Variants in CACHD1 observed in about 807,000 individuals in gnomAD.
CACHD1 encodes the protein VWFA and cache domain-containing protein 1.
CACHD1 carries 71 observed loss-of-function variants against 138.7 expected under a neutral mutation model. The ratio of observed to expected loss-of-function variants is 0.51; its 90% CI spans 0.42 to 0.62. The LOEUF is 0.62. Ranked by LOEUF, CACHD1 falls within the 20% of genes least tolerant of loss-of-function variation. The pLI, the probability that CACHD1 is intolerant of heterozygous loss-of-function variation, is 0.00. For missense variants in CACHD1, 1,389 were observed against 1,625.3 expected (o/e 0.85, Z 2.50); for synonymous variants, 578 against 591.5 (o/e 0.98, Z 0.33).
chr1:64,582,725 C>G (rs1298529609), intron 3 of CACHD1, among the ~76,000 whole-genome samples: 1 of 152,016 alleles, frequency 6.6e-6, no homozygotes, highest in African/African-American at 2.4e-5. Flanking sequence ...TTTAAAACTC[C>G]TATGGGAAAT....
chr1:64,470,734 G>C lies in CACHD1; in HGVS notation c.-11G>C. 1.7e-6 allele frequency: 1 copy of C among 591,832 alleles called. No individual in the cohort carries two copies. The highest frequency in any genetic ancestry group is 2.8e-6 in the Non-Finnish European group (1 of 360,020). 36.7% of individuals were successfully genotyped at this position (591,832 alleles called of 1,614,324 possible). A position where few individuals can be genotyped will look rare whatever the true frequency, so the allele number is the denominator to read the frequency against. On this transcript the variant is annotated 5_prime_UTR_variant, in exon 1 of 27. Coordinates refer to ENST00000651257, the MANE Select transcript of CACHD1 (RefSeq NM_020925.4). This position sits in a 1 kb window ranked among gnomAD's most constrained non-coding sequence, Gnocchi z 5.2. Reference sequence around the variant, plus strand: ...CCCGGAGCCCGTCGGCGGGGAGTGGGGGGAGGCAGCATGGCCCGCCAGCCG... The same window carrying C: ...CCCGGAGCCCGTCGGCGGGGAGTGGCGGGAGGCAGCATGGCCCGCCAGCCG...
At chr1:64,545,401 T>A (rs184266512) in intron 1 of CACHD1, among the ~76,000 whole-genome samples, 235 of 152,320 alleles carry the variant, frequency 1.5e-3, no homozygotes, top group African/African-American at 5.4e-3. Context: ...ACCACTATCC[T>A]GACTTTTAAC....
intron 4 of CACHD1, 72 bp downstream of exon 4, chr1:64,602,984 CA>C: frequency 2.1e-6 from 2 of 958,436 alleles, no homozygotes; most frequent in Non-Finnish European, 3.2e-6. Flanking sequence ...CATATTGCTT[CA>C]ATTTTTTTTT....
At chr1:64,486,598 A>G (rs1276227221) in intron 1 of CACHD1, among the ~76,000 whole-genome samples, 1 of 152,222 alleles carries the variant, frequency 6.6e-6, no homozygotes, top group Non-Finnish European at 1.5e-5. Flanking sequence ...GAAATCTTCA[A>G]GAGAGCTGTG....
intron 1 of CACHD1, among the ~76,000 whole-genome samples, chr1:64,523,090 T>TGAAA (rs1304501992): frequency 6.6e-6 from 1 of 152,234 alleles, no homozygotes. Flanking sequence ...TGACTGGGTA[T>TGAAA]TTGGTGAAAT....
intron 26 of CACHD1, among the ~76,000 whole-genome samples, chr1:64,690,183 A>G (rs79782593): frequency 0.097 from 14,756 of 152,254 alleles, 742 homozygotes; most frequent in South Asian, 0.13. Flanking sequence ...TGTATATTAT[A>G]GGTACGCAGT....
Position 64,625,751 on chromosome 1 carries a change from T to G in CACHD1, c.518-3604T>G, listed in dbSNP as rs561232283. Among the ~76,000 whole-genome samples the G allele has an allele frequency of 2.0e-5, 3 of 152,358 alleles. No individual in the cohort carries two copies. The South Asian group carries it at 6.2e-4, about 32-fold the overall frequency. ...TATCCACATAACAAAACTGCATTTG[T>G]ACCCCCTACATCTATAAAAATAAAA... On this transcript the variant is annotated intron_variant, in intron 4 of 26. Transcript: ENST00000651257.
At chr1:64,500,734 A>AG (rs1433003040) in intron 1 of CACHD1, among the ~76,000 whole-genome samples, 7 of 26,452 alleles carry the variant, frequency 2.6e-4, no homozygotes, top group Admixed American at 1.6e-3. Context: ...AAAAAAAAAA[A>AG]AGAGAGAGAG....
At chr1:64,572,588 A>G (rs1646934830) in intron 2 of CACHD1, among the ~76,000 whole-genome samples, 1 of 152,108 alleles carries the variant, frequency 6.6e-6, no homozygotes. Context: ...CTTTAAAGCA[A>G]ATGTTCATTT....
At chr1:64,540,005 G>T (rs563165363) in intron 1 of CACHD1, among the ~76,000 whole-genome samples, 1 of 151,964 alleles carries the variant, frequency 6.6e-6, no homozygotes, top group East Asian at 1.9e-4. Flanking sequence ...GTTTCTTAAG[G>T]GTATGGGACC....
chr1:64,651,460 T>C (rs1649090492), intron 9 of CACHD1, among the ~76,000 whole-genome samples: 1 of 152,146 alleles, frequency 6.6e-6, no homozygotes, highest in African/African-American at 2.4e-5. Flanking sequence ...TAACATTTCC[T>C]AGAAATCAGT....
chr1:64,644,454 C>G (rs1648837085), intron 8 of CACHD1, among the ~76,000 whole-genome samples: 1 of 152,214 alleles, frequency 6.6e-6, no homozygotes. Context: ...GGGATCACTT[C>G]TCTTCCATTA....
chr1:64,678,214 A>G lies in CACHD1; in HGVS notation c.3148A>G (p.Thr1050Ala), dbSNP rs1650057341. The G allele has an allele frequency of 3.7e-6, 6 of 1,611,914 alleles. No individual in the cohort carries two copies. The highest frequency in any genetic ancestry group is 4.2e-6 in the Non-Finnish European group (5 of 1,179,284). The part of the protein sequence containing the change: ...EWCMVDSDGK[T>A]HLDKPYCAPQ... ...GTGCATGGTGGACAGTGATGGAAAG[A>G]CTCACCTGGACAAACCCTACTGTGC... Residue 1050 changes from threonine (T) to alanine (A), a missense_variant, in exon 23 of 27, where the codon ACT becomes GCT. Physicochemically the swap from Thr to Ala is moderately conservative, Grantham distance 58. This residue lies in a region of CACHD1 where 250 missense variants were observed against 292.9 expected (regional missense o/e 0.85). Coordinates refer to ENST00000651257, the MANE Select transcript of CACHD1 (RefSeq NM_020925.4).
At chr1:64,523,895 T>C (rs550669864) in intron 1 of CACHD1, among the ~76,000 whole-genome samples, 4 of 150,570 alleles carry the variant, frequency 2.7e-5, no homozygotes, top group South Asian at 4.3e-4. Flanking sequence ...CTTTTTCTAA[T>C]GGCTATGGAC....
At chr1:64,614,939 G>C (rs1048956293) in intron 4 of CACHD1, among the ~76,000 whole-genome samples, 2 of 152,024 alleles carry the variant, frequency 1.3e-5, no homozygotes, top group African/African-American at 4.8e-5. Context: ...AATCTCCTCT[G>C]TAACTGCATT....
intron 2 of CACHD1, among the ~76,000 whole-genome samples, chr1:64,568,995 C>T (rs1354176664): frequency 6.6e-6 from 1 of 152,156 alleles, no homozygotes; most frequent in African/African-American, 2.4e-5. Context: ...GATCTCATCT[C>T]ACCACAACCT....
At chr1:64,587,865 G>A (rs958159168) in intron 3 of CACHD1, among the ~76,000 whole-genome samples, 2 of 151,778 alleles carry the variant, frequency 1.3e-5, no homozygotes, top group Non-Finnish European at 2.9e-5. Context: ...TATTTTTTTC[G>A]GCCCTCAGTG....
At chr1:64,471,494 G>A (rs1232219815) in intron 1 of CACHD1, among the ~76,000 whole-genome samples, 1 of 152,198 alleles carries the variant, frequency 6.6e-6, no homozygotes, top group Non-Finnish European at 1.5e-5. Context: ...CTGCCCCGGG[G>A]ACACCTAGGT....
chr1:64,638,832 A>G (rs542528449), intron 7 of CACHD1, among the ~76,000 whole-genome samples: 7 of 152,346 alleles, frequency 4.6e-5, no homozygotes, highest in African/African-American at 1.4e-4. Flanking sequence ...GAATATCCCA[A>G]TGCATTAAAA....
Sources: allele counts gnomAD v4.1 joint callset (sites outside exome capture counted in the v4.1 genomes callset), GRCh38; gene constraint gnomAD v4.1.1; regional missense constraint gnomAD v4.1.1; non-coding constraint Gnocchi (gnomAD v3.1); transcripts MANE v1.5; gene names NCBI Gene and HGNC (gene_info 2026-07-23, HGNC 2026-07-21).